Variants in SHISA9 observed in about 807,000 individuals in gnomAD.
SHISA9 encodes the protein shisa family member 9.
SHISA9 carries 13 observed loss-of-function variants against 38.0 expected under a neutral mutation model. That is an observed-to-expected ratio of 0.34 (90% CI 0.22 to 0.54). The LOEUF (loss-of-function observed/expected upper bound fraction) is 0.54, where lower values mean the gene tolerates loss of function less well. Ranked by LOEUF, SHISA9 falls within the 20% of genes least tolerant of loss-of-function variation. SHISA9 has a pLI of 0.91. For synonymous variants in SHISA9, 275 were observed against 242.0 expected, an observed-to-expected ratio of 1.14 and a Z score of -1.27; for missense variants, 538 against 575.8, an observed-to-expected ratio of 0.93 and a Z score of 0.67.
chr16:13,502,377 C>A, the SHISA9 span, among the ~76,000 whole-genome samples: 17 of 152,144 alleles, frequency 1.1e-4, no homozygotes. Context: ...TAGCCTTCAC[C>A]TAGGAAGGCA....
chr16:13,181,312 T>TATATAC (rs1555468744), intron 2 of SHISA9, among the ~76,000 whole-genome samples: 79 of 33,954 alleles, frequency 2.3e-3, no homozygotes, highest in Non-Finnish European at 3.1e-3. Context: ...TATATATATA[T>TATATAC]ACACACACAC....
At chr16:12,966,873 G>A (rs556466933) in intron 2 of SHISA9, among the ~76,000 whole-genome samples, 2 of 152,348 alleles carry the variant, frequency 1.3e-5, no homozygotes, top group South Asian at 2.1e-4. Flanking sequence ...TCATCTTCCT[G>A]TAGGATAATT....
the SHISA9 span, among the ~76,000 whole-genome samples, chr16:13,251,330 T>C: frequency 2.0e-5 from 3 of 152,150 alleles, no homozygotes; most frequent in Admixed American, 2.0e-4. Context: ...TTTGACTAAC[T>C]TTTTTTACTC....
chr16:13,140,451 A>G (rs913180569), intron 2 of SHISA9, among the ~76,000 whole-genome samples: 9 of 152,064 alleles, frequency 5.9e-5, no homozygotes, highest in African/African-American at 1.9e-4. Flanking sequence ...TGCTGGGATT[A>G]TAGGCGTCAG....
chr16:13,117,891 C>T lies in SHISA9; in HGVS notation c.692-85503C>T, dbSNP rs572326497. Among the ~76,000 whole-genome samples the T allele has an allele frequency of 1.4e-4, 22 of 152,240 alleles. No individual in the cohort carries two copies. In the East Asian group the frequency reaches 4.1e-3, roughly 28 times the overall value. On this transcript the variant is annotated intron_variant, in intron 2 of 4. Transcript: ENST00000558583. ...TGCTTACTGAAATGCCCTTAAAAAG[C>T]TCACAGTCAGCCTGGTGTGATGGCT... is the stretch of plus-strand genomic sequence containing the variant.
chr16:13,438,318 A>G, the SHISA9 span, among the ~76,000 whole-genome samples: 1 of 152,196 alleles, frequency 6.6e-6, no homozygotes, highest in African/African-American at 2.4e-5. Context: ...CATTGGGCAC[A>G]TAGGAGGTGC....
At chr16:13,003,952 G>A (rs762874360) in intron 2 of SHISA9, among the ~76,000 whole-genome samples, 17 of 152,146 alleles carry the variant, frequency 1.1e-4, no homozygotes, top group African/African-American at 1.7e-4. Flanking sequence ...ACTAATTAAT[G>A]TGCCTAGGCT....
chr16:13,518,727 CTT>C, the SHISA9 span, among the ~76,000 whole-genome samples: 4 of 152,170 alleles, frequency 2.6e-5, no homozygotes, highest in African/African-American at 9.7e-5. Context: ...AAATAATACT[CTT>C]AGTCCAGTTT....
the SHISA9 span, among the ~76,000 whole-genome samples, chr16:13,332,764 G>A: frequency 4.6e-5 from 7 of 152,286 alleles, no homozygotes; most frequent in East Asian, 1.4e-3. Flanking sequence ...CCTCACGTGA[G>A]AGGATTATTA....
intron 4 of SHISA9, among the ~76,000 whole-genome samples, chr16:13,222,915 C>T (rs1055521019): frequency 2.0e-5 from 3 of 151,944 alleles, no homozygotes; most frequent in South Asian, 2.1e-4. Flanking sequence ...CAGTTACTAC[C>T]CTTTGGATAC....
chr16:13,557,864 A>G, the SHISA9 span, among the ~76,000 whole-genome samples: 7 of 152,028 alleles, frequency 4.6e-5, no homozygotes, highest in African/African-American at 1.7e-4. Context: ...CCGCAGCCTC[A>G]GGCAGCTCCT....
intron 2 of SHISA9, among the ~76,000 whole-genome samples, chr16:13,080,877 G>A (rs2073640741): frequency 6.6e-6 from 1 of 152,210 alleles, no homozygotes; most frequent in Admixed American, 6.5e-5. Context: ...AGTGCCTGCA[G>A]ATATGGTATC....
chr16:13,367,746 A>ACC, the SHISA9 span, among the ~76,000 whole-genome samples: 3 of 146,860 alleles, frequency 2.0e-5, no homozygotes, highest in Admixed American at 6.7e-5. Context: ...ACACACACAC[A>ACC]CACCCCTGAA....
intron 2 of SHISA9, among the ~76,000 whole-genome samples, chr16:13,112,511 T>C (rs2073988949): frequency 6.6e-6 from 1 of 152,150 alleles, no homozygotes; most frequent in Non-Finnish European, 1.5e-5. Context: ...CAAATATGCA[T>C]TCTGGGACCC....
intron 2 of SHISA9, among the ~76,000 whole-genome samples, chr16:12,927,438 G>A (rs748778997): frequency 4.6e-5 from 7 of 152,174 alleles, no homozygotes; most frequent in East Asian, 3.9e-4. Flanking sequence ...TTGCTCTGCC[G>A]CCTAGGCTGG....
chr16:13,470,996 A>G, the SHISA9 span, among the ~76,000 whole-genome samples: 3 of 152,068 alleles, frequency 2.0e-5, no homozygotes, highest in African/African-American at 7.2e-5. Flanking sequence ...AAAGACAATC[A>G]AAGTGTATTA....
At chr16:13,022,239 A>G (rs1596591682) in intron 2 of SHISA9, among the ~76,000 whole-genome samples, 3 of 150,804 alleles carry the variant, frequency 2.0e-5, no homozygotes, top group Admixed American at 2.0e-4. Context: ...GCAGCTTTGA[A>G]TTCCTGGACT....
chr16:13,106,686 G>C (rs554945310), intron 2 of SHISA9, among the ~76,000 whole-genome samples: 1 of 152,248 alleles, frequency 6.6e-6, no homozygotes, highest in East Asian at 1.9e-4. Context: ...TTCAAAGGTG[G>C]ACATGTGACC....
At chr16:13,500,453 G>A in the SHISA9 span, among the ~76,000 whole-genome samples, 1 of 152,142 alleles carries the variant, frequency 6.6e-6, no homozygotes. Context: ...AGAAGAACCA[G>A]CGTAAAGTTT....
Sources: gnomAD v4.1 joint callset for allele counts (sites outside exome capture counted in the v4.1 genomes callset) on GRCh38, gnomAD v4.1.1 for gene constraint, MANE v1.5 for transcripts, NCBI Gene and HGNC (gene_info 2026-07-23, HGNC 2026-07-21) for gene names.